The following RASD2 variants were observed in gnomAD, a reference collection of about 807,000 sequenced individuals.
RASD2 encodes GTP-binding protein Rhes.
In RASD2, 7 loss-of-function variants were observed where a neutral mutation model predicts 15.8. The ratio of observed to expected loss-of-function variants is 0.44; its 90% CI spans 0.25 to 0.83. RASD2 has a LOEUF of 0.83. Among genes scored for constraint, RASD2 ranks in the 40% least tolerant of loss-of-function variants. The pLI is 0.20. For missense variants in RASD2, 274 were observed against 382.8 expected, an observed-to-expected ratio of 0.72 and a Z score of 2.37; for synonymous variants, 155 against 153.6, an observed-to-expected ratio of 1.01 and a Z score of -0.07.
rs1934725280 is a variant in RASD2 at position 35,553,208 on chromosome 22, C to G, written c.*1176C>G. Reference sequence around the variant, plus strand: ...CAGTCCTGGCCTCTGCCCGCCCCTGCTGCCCCACCACCTTCTGCACACACA... The same window carrying G: ...CAGTCCTGGCCTCTGCCCGCCCCTGGTGCCCCACCACCTTCTGCACACACA... On this transcript the variant is annotated 3_prime_UTR_variant, in exon 3 of 3. Transcript: ENST00000216127. The G allele has an allele frequency of 6.6e-6, 1 of 152,348 alleles. No individual in the cohort carries two copies. The highest frequency in any genetic ancestry group is 1.5e-5 in the Non-Finnish European group (1 of 68,112). 9.4% of individuals were successfully genotyped at this position (152,348 alleles called of 1,614,324 possible).
upstream of RASD2, among the ~76,000 whole-genome samples, chr22:35,537,624 A>G (rs1384010153): frequency 6.6e-6 from 1 of 152,242 alleles, no homozygotes; most frequent in Admixed American, 6.5e-5. Flanking sequence ...CCACAGCACA[A>G]GAGCCAGGCT....
At chr22:35,550,727 A>C (rs1934641504) in intron 2 of RASD2, among the ~76,000 whole-genome samples, 2 of 152,254 alleles carry the variant, frequency 1.3e-5, no homozygotes, top group African/African-American at 4.8e-5. Flanking sequence ...GAACAGAATC[A>C]GGTAGAAATC....
At position 35,553,450 on chromosome 22, in the gene RASD2, A is replaced by T. The variant is rs906896271; in HGVS notation, c.*1418A>T. 2.6e-5 allele frequency: 4 copies of T among 152,526 alleles called. No homozygotes were observed. Among genetic ancestry groups the T allele is most frequent in the African/African-American group, 9.7e-5 (4 of 41,440 alleles). The allele number at this position is 152,526 out of a possible 1,614,324, so 9.4% of individuals were successfully genotyped here. A position where few individuals can be genotyped will look rare whatever the true frequency, so the allele number is the denominator to read the frequency against. ...TTTGTATTTTAATCTCTCTAAACAT[A>T]TTGAAGTTTTAGGGCCCTAAGGAAC... is the stretch of plus-strand genomic sequence containing the variant. On this transcript the variant is annotated 3_prime_UTR_variant, in exon 3 of 3. Transcript: ENST00000216127.
At chr22:35,540,310 C>G (rs953551599), upstream of RASD2, among the ~76,000 whole-genome samples, 1 of 151,362 alleles carries the variant, frequency 6.6e-6, no homozygotes, top group Non-Finnish European at 1.5e-5. Flanking sequence ...GCCTTCTGGG[C>G]AAGGTGCGCG....
chr22:35,537,299 A>G (rs1252155830), upstream of RASD2, among the ~76,000 whole-genome samples: 1 of 152,230 alleles, frequency 6.6e-6, no homozygotes, highest in Admixed American at 6.5e-5. Flanking sequence ...TTGGCTGAAC[A>G]CAATTCAATA....
upstream of RASD2, among the ~76,000 whole-genome samples, chr22:35,536,022 A>G (rs1269868421): frequency 6.6e-6 from 1 of 152,134 alleles, no homozygotes; most frequent in Non-Finnish European, 1.5e-5. Flanking sequence ...CCCTCCTCCC[A>G]TGTCATTGCC....
chr22:35,547,175 C>A, intron 2 of RASD2, 95 bp downstream of exon 2: 1 of 1,384,792 alleles, frequency 7.2e-7, no homozygotes, highest in Non-Finnish European at 9.9e-7. Flanking sequence ...CTTGCATAGC[C>A]ATCGTCTGAG....
chr22:35,552,249 C>T lies in RASD2; in HGVS notation c.*217C>T, dbSNP rs1934690842. ...CCACAGCTCCTTGGTGGTTTCATCTCCTCTGTGGGAGGACACATCTCTGCA... is the reference window on the plus strand; with the variant it reads ...CCACAGCTCCTTGGTGGTTTCATCTTCTCTGTGGGAGGACACATCTCTGCA... On this transcript the variant is annotated 3_prime_UTR_variant, in exon 3 of 3. Transcript: ENST00000216127. 3.3e-6 allele frequency: 2 copies of T among 611,820 alleles called. No homozygotes were observed. Among genetic ancestry groups the T allele is most frequent in the Non-Finnish European group, 2.8e-6 (1 of 352,320 alleles). 37.9% of individuals were successfully genotyped at this position (611,820 alleles called of 1,614,324 possible). A position where few individuals can be genotyped will look rare whatever the true frequency, so the allele number is the denominator to read the frequency against.
upstream of RASD2, among the ~76,000 whole-genome samples, chr22:35,536,287 A>G (rs114708592): frequency 6.6e-6 from 1 of 151,392 alleles, no homozygotes; most frequent in South Asian, 2.1e-4. Flanking sequence ...TGAGCCTGTC[A>G]TGAGCATGTG....
At chr22:35,549,479 G>A (rs920475007) in intron 2 of RASD2, among the ~76,000 whole-genome samples, 11 of 152,164 alleles carry the variant, frequency 7.2e-5, no homozygotes, top group Non-Finnish European at 5.9e-5. Flanking sequence ...GCTTGGCATC[G>A]CAGTCTCGCA....
chr22:35,538,848 T>G (rs1934283083), upstream of RASD2, among the ~76,000 whole-genome samples: 2 of 152,198 alleles, frequency 1.3e-5, no homozygotes, highest in African/African-American at 4.8e-5. Context: ...CACTGCCAAG[T>G]TCACTGCCAG....
In RASD2 at chr22:35,546,831, G is replaced by C. The variant is rs77211000; in HGVS notation, c.22G>C (p.Gly8Arg). The C allele has an allele frequency of 3.1e-6, 5 of 1,613,794 alleles. No individual in the cohort carries two copies. The East Asian group carries it at 1.1e-4, about 36-fold the overall frequency. ...AGCCATGATGAAGACTTTGTCCAGC[G>C]GGAACTGCACGCTCAGTGTGCCCGC... is the stretch of plus-strand genomic sequence containing the variant. MMKTLSS[G>R]NCTLSVPAKN... The change falls in exon 2 of 3, where the codon GGG becomes CGG. Residue 8 changes from glycine to arginine, a missense_variant. Physicochemically the swap from Gly to Arg is moderately radical, Grantham distance 125 (BLOSUM62 -2). Coordinates refer to ENST00000216127, the MANE Select transcript of RASD2 (RefSeq NM_014310.4).
intron 1 of RASD2, among the ~76,000 whole-genome samples, chr22:35,543,612 G>A (rs548836889): frequency 3.3e-4 from 51 of 152,358 alleles, no homozygotes; most frequent in African/African-American, 5.1e-4. Context: ...GGCAGGAGGC[G>A]GAGCCCACAG....
chr22:35,548,869 C>T (rs929692984), intron 2 of RASD2, among the ~76,000 whole-genome samples: 12 of 152,178 alleles, frequency 7.9e-5, no homozygotes, highest in Admixed American at 3.3e-4. Flanking sequence ...CCTCATACCC[C>T]GCAGGGAGGC....
chr22:35,548,577 T>C (rs1401571517), intron 2 of RASD2, among the ~76,000 whole-genome samples: 1 of 152,108 alleles, frequency 6.6e-6, no homozygotes, highest in East Asian at 1.9e-4. Context: ...GAGAAACCCA[T>C]GCCACTCCCA....
intron 2 of RASD2, among the ~76,000 whole-genome samples, chr22:35,550,131 T>A (rs1490090240): frequency 6.6e-6 from 1 of 152,088 alleles, no homozygotes; most frequent in Non-Finnish European, 1.5e-5. Context: ...GGTGTGGTGA[T>A]GGGCACCTGT....
upstream of RASD2, among the ~76,000 whole-genome samples, chr22:35,540,492 G>T (rs1192650891): frequency 6.6e-6 from 1 of 150,410 alleles, no homozygotes; most frequent in African/African-American, 2.4e-5. Flanking sequence ...GCTCTGGGGG[G>T]CAGACGCTGG....
chr22:35,550,720 C>T (rs747924004), intron 2 of RASD2, among the ~76,000 whole-genome samples: 49 of 152,210 alleles, frequency 3.2e-4, no homozygotes, highest in Non-Finnish European at 5.6e-4. Flanking sequence ...TAGGTGAGAA[C>T]AGAATCAGGT....
chr22:35,543,225 G>A (rs1003821405), intron 1 of RASD2, among the ~76,000 whole-genome samples: 5 of 152,106 alleles, frequency 3.3e-5, no homozygotes, highest in Admixed American at 2.0e-4. Context: ...CTCTGCTCTG[G>A]GAACTTTCTG....
Sources: gnomAD v4.1 joint callset for allele counts (sites outside exome capture counted in the v4.1 genomes callset) on GRCh38, gnomAD v4.1.1 for gene constraint, MANE v1.5 for transcripts, NCBI Gene and HGNC (gene_info 2026-07-23, HGNC 2026-07-21) for gene names.